PTDSS1: variants seen among roughly 807,000 people sequenced by gnomAD.
PTDSS1 encodes phosphatidylserine synthase 1.
Under a neutral mutation model 70.5 loss-of-function variants are expected in PTDSS1, and 45 were observed. That is an observed-to-expected ratio of 0.64 (90% CI 0.50 to 0.82). The LOEUF is 0.82. Ranked by LOEUF, PTDSS1 falls within the 40% of genes least tolerant of loss-of-function variation. PTDSS1 has a pLI of 0.00. For missense variants in PTDSS1, 417 were observed against 586.1 expected (o/e 0.71, Z 2.98); for synonymous variants, 188 against 203.8 (o/e 0.92, Z 0.66).
At chr8:96,271,107 A>G (rs1810559873) in intron 1 of PTDSS1, among the ~76,000 whole-genome samples, 2 of 152,220 alleles carry the variant, frequency 1.3e-5, no homozygotes, top group African/African-American at 4.8e-5. Context: ...AGATACATCA[A>G]AGGGTATGTG....
At chr8:96,273,419 C>T in intron 2 of PTDSS1, 29 bp downstream of exon 2, 1 of 1,518,126 alleles carries the variant, frequency 6.6e-7, no homozygotes, top group Non-Finnish European at 9.0e-7. Flanking sequence ...TACCACATTT[C>T]TCCTATATTG....
intron 4 of PTDSS1, among the ~76,000 whole-genome samples, chr8:96,289,003 C>T (rs1170397535): frequency 1.3e-5 from 2 of 151,914 alleles, no homozygotes; most frequent in African/African-American, 4.8e-5. Context: ...GGCACAATCT[C>T]GGCTCACTGT....
At chr8:96,311,144 A>C (rs1811206386) in intron 9 of PTDSS1, among the ~76,000 whole-genome samples, 1 of 152,184 alleles carries the variant, frequency 6.6e-6, no homozygotes, top group Non-Finnish European at 1.5e-5. Flanking sequence ...CTTGCTGTTA[A>C]ATGTGAGACC....
chr8:96,330,923 C>A, intron 11 of PTDSS1, 103 bp from the exon 12 acceptor site: 1 of 961,120 alleles, frequency 1.0e-6, no homozygotes, highest in Non-Finnish European at 1.6e-6. Context: ...AGTGATGATC[C>A]CAGCCTGGGA....
rs200643845 is a variant in PTDSS1 at position 96,317,049 on chromosome 8, A to G, written c.1074-3197A>G. Among the ~76,000 whole-genome samples the G allele has an allele frequency of 1.8e-3, 131 of 72,948 alleles. 2 individuals carry two copies. The East Asian group carries it at 0.03, about 17-fold the overall frequency. 47.9% of individuals were successfully genotyped at this position (72,948 alleles called of 152,430 possible). On this transcript the variant is annotated intron_variant, in intron 9 of 12. Transcript: ENST00000517309. ...TATATGTGTCTATATATATGTGTGT[A>G]TATATATATGTGTGTGTGTGTGTAT... is the stretch of plus-strand genomic sequence containing the variant.
At chr8:96,283,977 GA>G (rs56658341) in intron 2 of PTDSS1, 131 bp from the exon 3 acceptor site, 18,273 of 526,324 alleles carry the variant, frequency 0.035, 6 homozygotes, top group African/African-American at 0.04. Context: ...TGTTTATGTA[GA>G]AAAAAAAAAA....
At chr8:96,317,552 C>G (rs551079809) in intron 9 of PTDSS1, among the ~76,000 whole-genome samples, 2 of 151,856 alleles carry the variant, frequency 1.3e-5, no homozygotes, top group East Asian at 3.9e-4. Flanking sequence ...CAGGGTAACA[C>G]GGTAAAACCC....
intron 10 of PTDSS1, among the ~76,000 whole-genome samples, chr8:96,321,113 TAGAG>T (rs1415121111): frequency 1.3e-5 from 2 of 152,194 alleles, no homozygotes; most frequent in Non-Finnish European, 2.9e-5. Context: ...CATGTGCAAA[TAGAG>T]AGGATAGATG....
intron 4 of PTDSS1, among the ~76,000 whole-genome samples, chr8:96,292,974 G>A (rs909551909): frequency 2.4e-4 from 37 of 152,218 alleles, no homozygotes; most frequent in African/African-American, 8.2e-4. Flanking sequence ...GCCCCAGAGA[G>A]GAGTGAAGAG....
At chr8:96,286,626 C>A (rs1810825589) in intron 3 of PTDSS1, among the ~76,000 whole-genome samples, 1 of 152,158 alleles carries the variant, frequency 6.6e-6, no homozygotes, top group South Asian at 2.1e-4. Flanking sequence ...TTCAGGGCCG[C>A]CTTGCTCCAT....
intron 9 of PTDSS1, among the ~76,000 whole-genome samples, chr8:96,311,415 C>A (rs1347097267): frequency 6.6e-6 from 1 of 152,162 alleles, no homozygotes; most frequent in Non-Finnish European, 1.5e-5. Flanking sequence ...AAAAGTAATA[C>A]ATGCACAATG....
chr8:96,309,427 A>T (rs1811174188), intron 8 of PTDSS1, 130 bp from the exon 9 acceptor site: 1 of 675,698 alleles, frequency 1.5e-6, no homozygotes, highest in Non-Finnish European at 2.5e-6. Flanking sequence ...CTTCTCTTGA[A>T]CAGAACTAGA....
chr8:96,303,674 A>G (rs1234447505), intron 6 of PTDSS1, among the ~76,000 whole-genome samples: 7 of 152,176 alleles, frequency 4.6e-5, no homozygotes, highest in Non-Finnish European at 1.0e-4. Flanking sequence ...GCAAATGAAG[A>G]AAGGTTAAAT....
At chr8:96,272,517 A>AT (rs1260998872) in intron 1 of PTDSS1, among the ~76,000 whole-genome samples, 3 of 152,034 alleles carry the variant, frequency 2.0e-5, no homozygotes, top group Non-Finnish European at 4.4e-5. Context: ...ATGACAGATC[A>AT]TTTTTTCATG....
intron 9 of PTDSS1, among the ~76,000 whole-genome samples, chr8:96,319,160 C>G (rs1279417775): frequency 1.3e-5 from 2 of 151,840 alleles, no homozygotes; most frequent in South Asian, 4.1e-4. Flanking sequence ...GTGATCCGCT[C>G]GCCTCAGCCT....
chr8:96,329,733 T>C (rs886350276), intron 10 of PTDSS1, among the ~76,000 whole-genome samples: 1 of 152,066 alleles, frequency 6.6e-6, no homozygotes. Flanking sequence ...CCAGCTAAGC[T>C]CCCCACCCTC....
At chr8:96,277,195 G>A (rs1011992338) in intron 2 of PTDSS1, among the ~76,000 whole-genome samples, 14 of 152,326 alleles carry the variant, frequency 9.2e-5, no homozygotes, top group South Asian at 6.2e-4. Flanking sequence ...TGTTTACGTC[G>A]TTTGTTTTCT....
At chr8:96,308,460 C>T (rs928350433) in intron 8 of PTDSS1, among the ~76,000 whole-genome samples, 2 of 152,186 alleles carry the variant, frequency 1.3e-5, no homozygotes, top group African/African-American at 2.4e-5. Flanking sequence ...TTCATCAAAT[C>T]CTCAAAGAGT....
intron 9 of PTDSS1, among the ~76,000 whole-genome samples, chr8:96,319,312 A>G (rs1325444551): frequency 6.6e-6 from 1 of 152,178 alleles, no homozygotes; most frequent in East Asian, 1.9e-4. Flanking sequence ...ACTTGTCTAA[A>G]ATCAGTATTC....
Sources: gnomAD v4.1 joint callset for allele counts (sites outside exome capture counted in the v4.1 genomes callset) on GRCh38, gnomAD v4.1.1 for gene constraint, MANE v1.5 for transcripts, NCBI Gene and HGNC (gene_info 2026-07-23, HGNC 2026-07-21) for gene names.